The following SLC18A1 variants were observed in gnomAD, a reference collection of about 807,000 sequenced individuals.
The protein encoded by SLC18A1 is solute carrier family 18 member A1.
A neutral mutation model predicts 53.7 loss-of-function variants in SLC18A1; 69 were observed. The observed-to-expected ratio is 1.28, with a 90% CI of 1.06 to 1.57. The LOEUF (loss-of-function observed/expected upper bound fraction) is 1.57. Ranked by LOEUF, SLC18A1 falls within the 40% of genes most tolerant of loss-of-function variation. The pLI is 0.00. For synonymous variants in SLC18A1, 320 were observed against 248.1 expected (o/e 1.29, Z -2.72); for missense variants, 932 against 668.1 (o/e 1.40, Z -4.35).
intron 10 of SLC18A1, among the ~76,000 whole-genome samples, chr8:20,159,208 T>C (rs1458957888): frequency 6.6e-6 from 1 of 152,170 alleles, no homozygotes; most frequent in Non-Finnish European, 1.5e-5. Context: ...TTCAACTGCA[T>C]GACCCCTACT....
chr8:20,149,751 A>G, intron 11 of SLC18A1, 24 bp from the exon 12 acceptor site: 3 of 1,612,830 alleles, frequency 1.9e-6, no homozygotes, highest in Admixed American at 1.7e-5. Flanking sequence ...GCCATCATCA[A>G]ACACCACTAG....
At chr8:20,148,852 G>A (rs1057187069) in intron 12 of SLC18A1, among the ~76,000 whole-genome samples, 1 of 152,156 alleles carries the variant, frequency 6.6e-6, no homozygotes, top group African/African-American at 2.4e-5. Context: ...TTCACTATGG[G>A]CTCACCATGT....
Position 20,149,725 on chromosome 8 carries a change from C to T in SLC18A1, c.1097G>A (p.Trp366Ter). The T allele has an allele frequency of 1.2e-6, 2 of 1,613,818 alleles. No homozygotes were observed. The highest frequency in any genetic ancestry group is 1.7e-5 in the Admixed American group (1 of 59,992). Residue 366 changes from tryptophan to a stop codon, truncating the protein, a stop_gained and splice_region_variant, in exon 12 of 16, where the codon TGG becomes TAG. Coordinates refer to ENST00000276373, the MANE Select transcript of SLC18A1 (RefSeq NM_003053.4). LOFTEE classifies it high-confidence loss of function. ...FGVLANKMGR[W>*]LCSLIGMLVV... ...CAGCATCCCGATTAGGGAACACAGC[C>T]ACCTGGAAGAAAAAAGCCATCATCA...
At chr8:20,174,302 A>C in intron 5 of SLC18A1, 59 bp downstream of exon 5, 27 of 1,139,220 alleles carry the variant, frequency 2.4e-5, no homozygotes, top group Non-Finnish European at 3.3e-5. Context: ...TGAGGTAGTA[A>C]GAGATGTGTG....
intron 10 of SLC18A1, among the ~76,000 whole-genome samples, chr8:20,164,622 T>C (rs2071906378): frequency 6.6e-6 from 1 of 152,164 alleles, no homozygotes; most frequent in Admixed American, 6.5e-5. Flanking sequence ...CTGGAAATCA[T>C]TAATCATCCT....
chr8:20,172,007 T>C (rs563247249), intron 6 of SLC18A1, among the ~76,000 whole-genome samples: 3 of 152,200 alleles, frequency 2.0e-5, no homozygotes, highest in African/African-American at 7.2e-5. Flanking sequence ...GCAGGAACCT[T>C]GTATATGCAG....
chr8:20,163,049 A>C (rs141662415), intron 10 of SLC18A1, among the ~76,000 whole-genome samples: 548 of 152,290 alleles, frequency 3.6e-3, no homozygotes, highest in African/African-American at 0.012. Flanking sequence ...TTATCAATGA[A>C]AGAGATTTAT....
At chr8:20,161,665 G>A (rs917801414) in intron 10 of SLC18A1, among the ~76,000 whole-genome samples, 1 of 152,158 alleles carries the variant, frequency 6.6e-6, no homozygotes, top group Non-Finnish European at 1.5e-5. Context: ...TATTTCAAAA[G>A]GAAGCAACAG....
chr8:20,173,146 G>T lies in SLC18A1; in HGVS notation c.632-18C>A. 1.3e-6 allele frequency: 2 copies of T among 1,550,602 alleles called. No homozygotes were observed. Among genetic ancestry groups the T allele is most frequent in the Non-Finnish European group, 1.7e-6 (2 of 1,145,782 alleles). Reference sequence around the variant, plus strand: ...TCCAAGACCTGCGCAGAGAGTTACAGATGCAGCTGGCCCCCTGGGGGGCTT... The same window carrying T: ...TCCAAGACCTGCGCAGAGAGTTACATATGCAGCTGGCCCCCTGGGGGGCTT... On this transcript the variant is annotated intron_variant, in intron 5 of 15. Transcript: ENST00000276373.
chr8:20,164,912 G>C lies in SLC18A1; in HGVS notation c.972C>G (p.Pro324=). The change falls in exon 10 of 16, where the codon CCC becomes CCG. Residue 324 remains proline, a synonymous_variant. Coordinates refer to ENST00000276373, the MANE Select transcript of SLC18A1 (RefSeq NM_003053.4). ...AGCACATGGTCTGCATCATCCAGAT[G>C]GGCAGTGTGGGCTCCAGGATGGCCA... ...MGVAILEPTL[P]IWMMQTMCSP... is the part of the protein sequence containing the mutation. 1 of 1,613,854 alleles carries C rather than the reference G, an allele frequency of 6.2e-7. No homozygotes were observed. Among genetic ancestry groups the C allele is most frequent in the Non-Finnish European group, 8.5e-7 (1 of 1,179,792 alleles).
intron 10 of SLC18A1, among the ~76,000 whole-genome samples, chr8:20,156,205 T>G (rs985387370): frequency 2.6e-5 from 4 of 151,550 alleles, no homozygotes; most frequent in African/African-American, 7.3e-5. Context: ...AAATAACTTT[T>G]AGAGGAAACC....
chr8:20,177,421 C>T (rs1413926286), intron 4 of SLC18A1, among the ~76,000 whole-genome samples: 1 of 152,112 alleles, frequency 6.6e-6, no homozygotes, highest in African/African-American at 2.4e-5. Context: ...TGTTCTCACT[C>T]ATAGGTGGGA....
intron 8 of SLC18A1, among the ~76,000 whole-genome samples, chr8:20,167,669 G>A (rs974323863): frequency 2.0e-5 from 3 of 151,952 alleles, no homozygotes; most frequent in Non-Finnish European, 2.9e-5. Flanking sequence ...AGCCCAGACT[G>A]GAGTGCAGTG....
At chr8:20,167,262 T>C (rs1397665282) in intron 8 of SLC18A1, among the ~76,000 whole-genome samples, 1 of 152,184 alleles carries the variant, frequency 6.6e-6, no homozygotes, top group Non-Finnish European at 1.5e-5. Context: ...TTTGGCTATA[T>C]TCATTAAGTC....
chr8:20,181,689 T>A (rs945433219), intron 1 of SLC18A1: 1 of 152,184 alleles, frequency 6.6e-6, no homozygotes, highest in Non-Finnish European at 1.5e-5. Flanking sequence ...TACCCCAAAA[T>A]ATTTCATGTG....
At chr8:20,157,628 C>G (rs1290485919) in intron 10 of SLC18A1, among the ~76,000 whole-genome samples, 5 of 152,200 alleles carry the variant, frequency 3.3e-5, no homozygotes, top group Non-Finnish European at 7.3e-5. Flanking sequence ...TGTCACCTGA[C>G]TCTATTGAAG....
At chr8:20,174,533 T>A (rs1249529480) in intron 4 of SLC18A1, 89 bp from the exon 5 acceptor site, 4 of 819,546 alleles carry the variant, frequency 4.9e-6, no homozygotes, top group Non-Finnish European at 8.5e-6. Context: ...ATACTGCAGA[T>A]ATGAGTCTTG....
At chr8:20,153,129 G>A (rs2071600097) in intron 10 of SLC18A1, among the ~76,000 whole-genome samples, 1 of 152,162 alleles carries the variant, frequency 6.6e-6, no homozygotes, top group African/African-American at 2.4e-5. Flanking sequence ...GACATAACTA[G>A]GGGCTTAGAG....
At chr8:20,172,152 G>T (rs2072138995) in intron 6 of SLC18A1, among the ~76,000 whole-genome samples, 1 of 152,242 alleles carries the variant, frequency 6.6e-6, no homozygotes, top group African/African-American at 2.4e-5. Flanking sequence ...GATGCTGCCA[G>T]ATTCTAACCC....
Sources: gnomAD v4.1 joint callset for allele counts (sites outside exome capture counted in the v4.1 genomes callset) on GRCh38, gnomAD v4.1.1 for gene constraint, MANE v1.5 for transcripts, NCBI Gene and HGNC (gene_info 2026-07-23, HGNC 2026-07-21) for gene names.